The following SOCS5 variants were observed in gnomAD, a reference collection of about 807,000 sequenced individuals.
The protein encoded by SOCS5 is suppressor of cytokine signaling 5.
A neutral mutation model predicts 42.8 loss-of-function variants in SOCS5; 32 were observed. The ratio of observed to expected loss-of-function variants is 0.75; its 90% CI spans 0.56 to 1.01. The LOEUF (loss-of-function observed/expected upper bound fraction) is 1.01, where lower values mean the gene tolerates loss of function less well. Among genes scored for constraint, SOCS5 ranks in the 50% least tolerant of loss-of-function variants. The pLI is 0.00. For missense variants in SOCS5, 627 were observed against 653.0 expected (o/e 0.96, Z 0.43); for synonymous variants, 283 against 229.6 (o/e 1.23, Z -2.10).
At chr2:46,725,455 C>T (rs2103718365) in intron 1 of SOCS5, among the ~76,000 whole-genome samples, 1 of 152,076 alleles carries the variant, frequency 6.6e-6, no homozygotes, top group Non-Finnish European at 1.5e-5. Flanking sequence ...CCCCTTCCTG[C>T]TGTCTTTTGA....
chr2:46,741,529 T>C (rs1383295645), intron 1 of SOCS5, among the ~76,000 whole-genome samples: 1 of 152,260 alleles, frequency 6.6e-6, no homozygotes, highest in Non-Finnish European at 1.5e-5. Flanking sequence ...TTTTGGAAAG[T>C]ACAACAAAGA....
intron 1 of SOCS5, among the ~76,000 whole-genome samples, chr2:46,748,076 T>C (rs1673543717): frequency 6.6e-6 from 1 of 152,196 alleles, no homozygotes; most frequent in Admixed American, 6.5e-5. Flanking sequence ...ATTTGTTTTC[T>C]TACGTGATTA....
chr2:46,707,306 A>G lies in SOCS5; in HGVS notation c.-13+7857A>G, dbSNP rs1478656338. On this transcript the variant is annotated intron_variant, in intron 1 of 1. Transcript: ENST00000394861. ...TTTTAATCATTTTCATTTAGTCTGTATTGACCATGTTAATAAGGCTATGAA... is the reference window on the plus strand; with the variant it reads ...TTTTAATCATTTTCATTTAGTCTGTGTTGACCATGTTAATAAGGCTATGAA... Among the ~76,000 whole-genome samples, 3 of 152,200 alleles carry G rather than the reference A, an allele frequency of 2.0e-5. No individual in the cohort carries two copies. In the East Asian group the frequency reaches 5.8e-4, roughly 29 times the overall value.
chr2:46,721,814 A>G (rs2103713280), intron 1 of SOCS5, among the ~76,000 whole-genome samples: 1 of 152,272 alleles, frequency 6.6e-6, no homozygotes, highest in South Asian at 2.1e-4. Context: ...ATGCCTTCTT[A>G]GGATGGTTTT....
chr2:46,701,409 A>G (rs767774796), intron 1 of SOCS5, among the ~76,000 whole-genome samples: 1 of 152,166 alleles, frequency 6.6e-6, no homozygotes, highest in Non-Finnish European at 1.5e-5. Context: ...TAGACCATGG[A>G]GATGATATTT....
At chr2:46,739,866 A>G (rs1283029922) in intron 1 of SOCS5, among the ~76,000 whole-genome samples, 1 of 152,216 alleles carries the variant, frequency 6.6e-6, no homozygotes, top group African/African-American at 2.4e-5. Context: ...TTGTATCAAT[A>G]TACTATAAGA....
intron 1 of SOCS5, among the ~76,000 whole-genome samples, chr2:46,713,595 T>G (rs530811314): frequency 6.6e-5 from 10 of 152,270 alleles, no homozygotes; most frequent in African/African-American, 2.4e-4. Context: ...ATTTCATAAA[T>G]CCTTTCAAAG....
At position 46,758,987 on chromosome 2, in the gene SOCS5, G is replaced by T; in HGVS notation, c.457G>T (p.Glu153Ter). The part of the protein sequence containing the change: ...GRTRSGLQRR[E>*]RRYGVSSVHD... Reference sequence around the variant, plus strand: ...AACTCGAAGTGGACTTCAAAGGAGAGAGAGGCGCTACGGCGTAAGTTCTGT... The same window carrying T: ...AACTCGAAGTGGACTTCAAAGGAGATAGAGGCGCTACGGCGTAAGTTCTGT... The change falls in exon 2 of 2, where the codon GAG becomes TAG. Residue 153 changes from glutamate (E) to a stop codon, truncating the protein, a stop_gained. Transcript: ENST00000394861. LOFTEE classifies it high-confidence loss of function. 1 of 1,613,986 alleles carries T rather than the reference G, an allele frequency of 6.2e-7. No individual in the cohort carries two copies. The highest frequency in any genetic ancestry group is 8.5e-7 in the Non-Finnish European group (1 of 1,179,846).
chr2:46,722,950 T>C (rs1173211523), intron 1 of SOCS5, among the ~76,000 whole-genome samples: 3 of 152,152 alleles, frequency 2.0e-5, no homozygotes, highest in Non-Finnish European at 2.9e-5. Context: ...GCCTTCCATC[T>C]GTTCTTTTCA....
chr2:46,710,187 C>G (rs1163334580), intron 1 of SOCS5, among the ~76,000 whole-genome samples: 1 of 152,152 alleles, frequency 6.6e-6, no homozygotes, highest in African/African-American at 2.4e-5. Context: ...CGCTCTGTTG[C>G]CCACGCTGGA....
chr2:46,735,867 A>G (rs79034138), intron 1 of SOCS5, among the ~76,000 whole-genome samples: 7,288 of 152,190 alleles, frequency 0.048, 632 homozygotes, highest in African/African-American at 0.17. Flanking sequence ...AGTAGAGGGC[A>G]TGCCTCAAAA....
intron 1 of SOCS5, among the ~76,000 whole-genome samples, chr2:46,741,365 A>G (rs554499243): frequency 3.3e-5 from 5 of 152,056 alleles, no homozygotes; most frequent in Non-Finnish European, 4.4e-5. Flanking sequence ...TCAATGTCCA[A>G]GTAGCTGGGA....
chr2:46,743,756 T>C (rs921112287), intron 1 of SOCS5, among the ~76,000 whole-genome samples: 1 of 152,152 alleles, frequency 6.6e-6, no homozygotes, highest in African/African-American at 2.4e-5. Context: ...TGATTAAGCG[T>C]CATACAAGGG....
intron 1 of SOCS5, among the ~76,000 whole-genome samples, chr2:46,727,051 C>T (rs1452741616): frequency 6.6e-6 from 1 of 151,962 alleles, no homozygotes; most frequent in South Asian, 2.1e-4. Flanking sequence ...CCATTGTGCC[C>T]AGCCTAAAAT....
rs1266480966 is a variant in SOCS5 at position 46,726,587 on chromosome 2, G to C, written c.-13+27138G>C. Among the ~76,000 whole-genome samples the C allele has an allele frequency of 2.0e-5, 3 of 151,968 alleles. No homozygotes were observed. In the East Asian group the frequency reaches 5.8e-4, roughly 29 times the overall value. On this transcript the variant is annotated intron_variant, in intron 1 of 1. Coordinates refer to ENST00000394861, the MANE Select transcript of SOCS5 (RefSeq NM_144949.3). ...CTTTTGATATCCCAAAGGTTCTTAT[G>C]GCTCTCTGTTCACTATTTTTCTCTT... is the stretch of plus-strand genomic sequence containing the variant.
At position 46,759,777 on chromosome 2, in the gene SOCS5, C is replaced by A; in HGVS notation, c.1247C>A (p.Ser416Tyr). The stretch of plus-strand genomic sequence containing the variant: ...TCTGCGCAAGAGGACTACCTCTTCT[C>A]TGTGAGCTTCCGCCGCTACAACAGA... ...RDSAQEDYLF[S>Y]VSFRRYNRSL... The change falls in exon 2 of 2, where the codon TCT becomes TAT. Residue 416 changes from serine to tyrosine, a missense_variant. Physicochemically the swap from Ser to Tyr is moderately radical, Grantham distance 144. This residue lies in a region of SOCS5 where 340 missense variants were observed against 367.6 expected (regional missense o/e 0.92). Transcript: ENST00000394861. The A allele has an allele frequency of 6.2e-7, 1 of 1,614,182 alleles. No homozygotes were observed.
intron 1 of SOCS5, among the ~76,000 whole-genome samples, chr2:46,735,474 A>G (rs186637684): frequency 1.3e-5 from 2 of 152,244 alleles, no homozygotes; most frequent in Admixed American, 6.5e-5. Context: ...TATGGGGACA[A>G]TTGGCAGTCT....
At chr2:46,710,207 C>T (rs376211159) in intron 1 of SOCS5, among the ~76,000 whole-genome samples, 3 of 152,230 alleles carry the variant, frequency 2.0e-5, no homozygotes, top group East Asian at 3.9e-4. Flanking sequence ...AGTGCAGTGG[C>T]GCAATCTCGG....
chr2:46,762,123 A>T lies in SOCS5; in HGVS notation c.*1982A>T, dbSNP rs17771942. The T allele has an allele frequency of 0.05, 8,282 of 167,140 alleles. 292 individuals carry two copies. Among genetic ancestry groups the T allele is most frequent in the Non-Finnish European group, 0.08 (5,429 of 68,040 alleles). The allele number at this position is 167,140 out of a possible 1,614,324, so 10.4% of individuals were successfully genotyped here. On this transcript the variant is annotated 3_prime_UTR_variant, in exon 2 of 2. Coordinates refer to ENST00000394861, the MANE Select transcript of SOCS5 (RefSeq NM_144949.3). ...AGCAAAATGGGGATTGAAGGGACTTATAATTTCTGTTGTTTCTAATTAAAG... is the reference window on the plus strand; with the variant it reads ...AGCAAAATGGGGATTGAAGGGACTTTTAATTTCTGTTGTTTCTAATTAAAG...
Sources: allele counts gnomAD v4.1 joint callset (sites outside exome capture counted in the v4.1 genomes callset), GRCh38; gene constraint gnomAD v4.1.1; regional missense constraint gnomAD v4.1.1; transcripts MANE v1.5; gene names NCBI Gene and HGNC (gene_info 2026-07-23, HGNC 2026-07-21).